The following GGA3 variants were observed in gnomAD, a reference collection of about 807,000 sequenced individuals.
GGA3 encodes golgi associated, gamma adaptin ear containing, ARF binding protein 3, also known as ADP-ribosylation factor-binding protein GGA3.
A neutral mutation model predicts 77.5 loss-of-function variants in GGA3; 57 were observed. The ratio of observed to expected loss-of-function variants is 0.74; its 90% CI spans 0.59 to 0.92. GGA3 has a LOEUF of 0.92. Ranked by LOEUF, GGA3 falls within the 40% of genes least tolerant of loss-of-function variation. GGA3 has a pLI of 0.00. For missense variants in GGA3, 970 were observed against 914.9 expected (o/e 1.06, Z -0.78); for synonymous variants, 416 against 383.7 (o/e 1.08, Z -0.98).
intron 3 of GGA3, among the ~76,000 whole-genome samples, chr17:75,245,074 C>A (rs569342868): frequency 6.6e-6 from 1 of 152,330 alleles, no homozygotes; most frequent in South Asian, 2.1e-4. Flanking sequence ...CAAAGTTTCT[C>A]TGACTTGGTG....
intron 1 of GGA3, 43 bp downstream of exon 1, chr17:75,261,505 C>T: frequency 6.8e-7 from 1 of 1,467,658 alleles, no homozygotes; most frequent in Non-Finnish European, 9.1e-7. Context: ...ACAGGGGCAG[C>T]CCAGCGGCTC....
Position 75,246,530 on chromosome 17 carries a change from C to T in GGA3, c.180G>A (p.Trp60Ter). The change falls in exon 3 of 17, where the codon TGG becomes TGA. Residue 60 changes from tryptophan to a stop codon, truncating the protein, a stop_gained. Transcript: ENST00000537686. LOFTEE classifies it high-confidence loss of function. ...LAHKIQSPQE[W>*]EALQALTVLE... The stretch of plus-strand genomic sequence containing the variant: ...CTACCGTCAGGGCCTGGAGCGCCTC[C>T]CATTCCTGTGGGGACTGGATCTTGT... The T allele has an allele frequency of 1.2e-6, 2 of 1,613,186 alleles. No individual in the cohort carries two copies. Among genetic ancestry groups the T allele is most frequent in the Non-Finnish European group, 1.7e-6 (2 of 1,179,118 alleles).
chr17:75,262,233 G>A (rs997112333), upstream of GGA3: 2 of 636,636 alleles, frequency 3.1e-6, no homozygotes, highest in Non-Finnish European at 5.4e-6. Flanking sequence ...TCAGATCTGG[G>A]ATCGCCTGTG....
chr17:75,243,334 A>G, intron 5 of GGA3, 113 bp downstream of exon 5: 1 of 1,378,366 alleles, frequency 7.3e-7, no homozygotes, highest in Non-Finnish European at 1.0e-6. Context: ...TTGCCTGGGG[A>G]CAAATGCTGT....
At chr17:75,257,271 A>G in intron 1 of GGA3, among the ~76,000 whole-genome samples, 1 of 100,676 alleles carries the variant, frequency 9.9e-6, no homozygotes, top group Non-Finnish European at 1.8e-5. Flanking sequence ...AGACCAACTT[A>G]GACTGTGCCC....
At position 75,243,341 on chromosome 17, in the gene GGA3, C is replaced by T. The variant is rs1310511887; in HGVS notation, c.424+106G>A. The T allele has an allele frequency of 2.8e-6, 4 of 1,423,662 alleles. No individual in the cohort carries two copies. In the African/African-American group the frequency reaches 4.3e-5, roughly 15 times the overall value. The allele number at this position is 1,423,662 out of a possible 1,614,324, so 88.2% of individuals were successfully genotyped here. ...ACTCAGCCTTGCCTGGGGACAAATG[C>T]TGTTCTCTTCAGGAGGGACTCTGGG... On this transcript the variant is annotated intron_variant, in intron 5 of 16. Coordinates refer to ENST00000537686, the MANE Select transcript of GGA3 (RefSeq NM_138619.4).
chr17:75,242,196 G>T, intron 8 of GGA3, 140 bp downstream of exon 8: 1 of 878,722 alleles, frequency 1.1e-6, no homozygotes, highest in Non-Finnish European at 1.8e-6. Context: ...CGTGGCTGCT[G>T]TGCAGATGAG....
Position 75,243,089 on chromosome 17 carries a change from CAG to C in GGA3, c.500_501del (p.Pro167ArgfsTer3). 1 of 1,613,476 alleles carries C rather than the reference CAG, an allele frequency of 6.2e-7. No individual in the cohort carries two copies. Among genetic ancestry groups the C allele is most frequent in the Non-Finnish European group, 8.5e-7 (1 of 1,179,624 alleles). ...TTGGACTTCTCCTCATCATCAAAAA[CAG>C]GGTTTTTGGGACGAGGTGGTGGAGA... ...IPSPPPRPKN[P>X]VFDDEEKSKL... is the part of the protein sequence containing the mutation. On this transcript the variant is annotated frameshift_variant, in exon 6 of 17. Coordinates refer to ENST00000537686, the MANE Select transcript of GGA3 (RefSeq NM_138619.4). LOFTEE classifies it high-confidence loss of function.
chr17:75,242,283 T>C (rs1188962094), intron 8 of GGA3, 53 bp downstream of exon 8: 1 of 1,601,288 alleles, frequency 6.2e-7, no homozygotes, highest in Non-Finnish European at 8.6e-7. Context: ...CTGGCTGAGC[T>C]CCTGAAGGGC....
chr17:75,262,124 C>T (rs1379121526), upstream of GGA3: 2 of 1,003,616 alleles, frequency 2.0e-6, no homozygotes, highest in East Asian at 5.1e-5. Context: ...CTGCGTGACC[C>T]TGCGCCAATC....
intron 13 of GGA3, 86 bp downstream of exon 13, chr17:75,239,703 G>T: frequency 6.6e-7 from 1 of 1,523,578 alleles, no homozygotes; most frequent in Non-Finnish European, 9.1e-7. Flanking sequence ...GGACTACAAG[G>T]CACCCCCACC....
chr17:75,243,230 A>C, intron 5 of GGA3, 64 bp from the exon 6 acceptor site: 1 of 1,256,736 alleles, frequency 8.0e-7, no homozygotes, highest in Non-Finnish European at 1.1e-6. Flanking sequence ...CTCCTCATAC[A>C]CCAAGGGCCA....
rs981101662 is a variant in GGA3 at position 75,237,823 on chromosome 17, G to C, written c.*456C>G. 1.8e-5 allele frequency: 25 copies of C among 1,428,476 alleles called. No individual in the cohort carries two copies. Among genetic ancestry groups the C allele is most frequent in the African/African-American group, 4.3e-5 (3 of 69,572 alleles). 88.5% of individuals were successfully genotyped at this position (1,428,476 alleles called of 1,614,324 possible). On this transcript the variant is annotated 3_prime_UTR_variant, in exon 17 of 17. Transcript: ENST00000537686. ...TGGTTGGCGGGGGAAGCATGGAATTGCAACAGGGCTGCAGCCCCTTGGGCC... is the reference window on the plus strand; with the variant it reads ...TGGTTGGCGGGGGAAGCATGGAATTCCAACAGGGCTGCAGCCCCTTGGGCC...
upstream of GGA3, chr17:75,261,634 A>G (rs2145628396): frequency 1.3e-6 from 2 of 1,484,662 alleles, no homozygotes; most frequent in South Asian, 1.3e-5. Context: ...GAGAGTCTGC[A>G]CGAGCTGAGA....
intron 14 of GGA3, 59 bp from the exon 15 acceptor site, chr17:75,239,142 C>T (rs980193736): frequency 2.5e-5 from 38 of 1,509,510 alleles, no homozygotes; most frequent in South Asian, 7.2e-5. Context: ...AACAGAGCCC[C>T]GGCGGTGAGG....
At chr17:75,253,518 G>A (rs1390077551) in intron 1 of GGA3, among the ~76,000 whole-genome samples, 4 of 152,138 alleles carry the variant, frequency 2.6e-5, no homozygotes, top group Non-Finnish European at 4.4e-5. Context: ...TTCTGGGGGA[G>A]GGGCAAGTAC....
chr17:75,240,442 A>G, intron 11 of GGA3, 30 bp from the exon 12 acceptor site: 2 of 1,454,892 alleles, frequency 1.4e-6, no homozygotes, highest in Non-Finnish European at 1.9e-6. Flanking sequence ...CAGGATGAGA[A>G]GAGGCTCTGA....
intron 1 of GGA3, among the ~76,000 whole-genome samples, chr17:75,256,525 C>A (rs888867345): frequency 2.6e-5 from 4 of 152,102 alleles, no homozygotes; most frequent in Non-Finnish European, 5.9e-5. Flanking sequence ...CTTTCCTGTT[C>A]CTCACCCTGA....
Position 75,261,212 on chromosome 17 carries a change from C to T in GGA3, c.40+336G>A, listed in dbSNP as rs542221536. Among the ~76,000 whole-genome samples, 8 of 152,354 alleles carry T rather than the reference C, an allele frequency of 5.3e-5. No individual in the cohort carries two copies. In the East Asian group the frequency reaches 1.2e-3, roughly 22 times the overall value. ...GGTTCCTGGTGTCACCGCCGGGCGG[C>T]GACCCCACCACAATCTCCCCAAAGC... On this transcript the variant is annotated intron_variant, in intron 1 of 16. Transcript: ENST00000537686.
Sources: allele counts gnomAD v4.1 joint callset (sites outside exome capture counted in the v4.1 genomes callset), GRCh38; gene constraint gnomAD v4.1.1; transcripts MANE v1.5; gene names NCBI Gene and HGNC (gene_info 2026-07-23, HGNC 2026-07-21).